TCTN1: variants seen among roughly 807,000 people sequenced by gnomAD.
The protein encoded by TCTN1 is tectonic family member 1.
Under a neutral mutation model 65.8 loss-of-function variants are expected in TCTN1, and 58 were observed. That is an observed-to-expected ratio of 0.88 (90% CI 0.71 to 1.10). The LOEUF (loss-of-function observed/expected upper bound fraction) is 1.10, where lower values mean the gene tolerates loss of function less well. TCTN1 is among the 50% of genes least tolerant of loss of function. The pLI is 0.00. For synonymous variants in TCTN1, 273 were observed against 289.1 expected (o/e 0.94, Z 0.57); for missense variants, 645 against 719.4 (o/e 0.90, Z 1.18).
At chr12:110,636,098 G>A in intron 6 of TCTN1, 3 of 224,588 alleles carry the variant, frequency 1.3e-5, no homozygotes, top group Non-Finnish European at 2.7e-5. Context: ...GCCTGGGCAA[G>A]CAATGGTGGC....
At chr12:110,637,016 T>G (rs2066620560) in intron 7 of TCTN1, among the ~76,000 whole-genome samples, 1 of 152,120 alleles carries the variant, frequency 6.6e-6, no homozygotes, top group Non-Finnish European at 1.5e-5. Context: ...GATGTCAGGG[T>G]CTCTTCGTGG....
chr12:110,645,494 C>A, intron 12 of TCTN1: 1 of 335,904 alleles, frequency 3.0e-6, no homozygotes, highest in South Asian at 2.5e-5. Context: ...ATTGTGATTG[C>A]TGGTGTCCCC....
At position 110,634,695 on chromosome 12, in the gene TCTN1, G is replaced by A. The variant is rs2066446780; in HGVS notation, c.738G>A (p.Lys246=). 1 of 1,611,030 alleles carries A rather than the reference G, an allele frequency of 6.2e-7. No individual in the cohort carries two copies. The highest frequency in any genetic ancestry group is 1.3e-5 in the African/African-American group (1 of 74,818). The change falls in exon 6 of 15, where the codon AAG becomes AAA. Residue 246 remains lysine (K), a synonymous_variant. Transcript: ENST00000397659. ...PAAFLVNQAV[K]CTRKINLEQC... ...CGTTTCTGGTGAACCAGGCTGTTAA[G>A]TGCACCAGAAAAATAAATTTAGAAC...
chr12:110,640,667 C>A lies in TCTN1; in HGVS notation c.978+150C>A. On this transcript the variant is annotated intron_variant, in intron 8 of 14. Transcript: ENST00000397659. The surrounding 1 kb of genome is among the most constrained non-coding windows in gnomAD (Gnocchi z 4.9). The stretch of plus-strand genomic sequence containing the variant: ...AGCTGCCTGCTTGTCTTTCTGCTGT[C>A]TCATCAAAGGACACCTCTTGTCTCC... 1 of 1,113,682 alleles carries A rather than the reference C, an allele frequency of 9.0e-7. No individual in the cohort carries two copies. 69.0% of individuals were successfully genotyped at this position (1,113,682 alleles called of 1,614,324 possible). A position where few individuals can be genotyped will look rare whatever the true frequency, so the allele number is the denominator to read the frequency against.
At chr12:110,647,112 A>G in intron 12 of TCTN1, 84 bp from the exon 13 acceptor site, 29 of 1,516,398 alleles carry the variant, frequency 1.9e-5, no homozygotes, top group Non-Finnish European at 2.6e-5. Flanking sequence ...ACATTTTGTA[A>G]TATGTGAAAC....
intron 2 of TCTN1, among the ~76,000 whole-genome samples, chr12:110,622,487 G>C (rs2065503057): frequency 6.6e-6 from 1 of 152,188 alleles, no homozygotes; most frequent in African/African-American, 2.4e-5. Context: ...GCAGAGGAAT[G>C]GCATCTAACT....
At chr12:110,636,911 C>T (rs954164850) in intron 7 of TCTN1, among the ~76,000 whole-genome samples, 7 of 152,236 alleles carry the variant, frequency 4.6e-5, no homozygotes, top group Admixed American at 1.3e-4. Flanking sequence ...GCGTGGGAGG[C>T]GTGCCCCGTG....
chr12:110,642,475 G>C, intron 11 of TCTN1, 86 bp downstream of exon 11: 1 of 1,591,472 alleles, frequency 6.3e-7, no homozygotes. Flanking sequence ...TCAAATCTCT[G>C]CATCAGCTGA....
Position 110,644,963 on chromosome 12 carries a change from C to T in TCTN1, c.1332-4C>T, listed in dbSNP as rs753583027. ...TTCAGTTGACTTCTTTTTCCTTCAC[C>T]AAGACTGACTGGAGCTCTCCCGTGT... On this transcript the variant is annotated splice_polypyrimidine_tract_variant and splice_region_variant and intron_variant, in intron 11 of 14. Coordinates refer to ENST00000397659, the MANE Select transcript of TCTN1 (RefSeq NM_001082538.3). The surrounding 1 kb of genome is among the most constrained non-coding windows in gnomAD (Gnocchi z 4.6). 2.5e-6 allele frequency: 4 copies of T among 1,614,032 alleles called. No individual in the cohort carries two copies. The highest frequency in any genetic ancestry group is 4.5e-5 in the East Asian group (2 of 44,900).
intron 12 of TCTN1, chr12:110,646,750 G>A (rs2067332086): frequency 4.5e-6 from 1 of 220,940 alleles, no homozygotes; most frequent in Non-Finnish European, 9.1e-6. Context: ...TGAAAAGAAA[G>A]CACTTAAATT....
chr12:110,619,244 A>C (rs775148592), intron 1 of TCTN1, among the ~76,000 whole-genome samples: 1 of 152,148 alleles, frequency 6.6e-6, no homozygotes, highest in Non-Finnish European at 1.5e-5. Flanking sequence ...CCCCGCCCTC[A>C]TACCTTATTG....
chr12:110,627,903 G>A (rs974411499), intron 3 of TCTN1: 2 of 786,768 alleles, frequency 2.5e-6, no homozygotes, highest in South Asian at 3.5e-5. Flanking sequence ...ATAGATTTTG[G>A]TTTTGTTCTC....
At chr12:110,636,848 CT>C (rs2066607131) in intron 7 of TCTN1, among the ~76,000 whole-genome samples, 1 of 152,238 alleles carries the variant, frequency 6.6e-6, no homozygotes, top group Non-Finnish European at 1.5e-5. Flanking sequence ...TCCCAGGATG[CT>C]GCCCGTCCAG....
At chr12:110,618,908 C>T (rs1479514816) in intron 1 of TCTN1, among the ~76,000 whole-genome samples, 2 of 151,772 alleles carry the variant, frequency 1.3e-5, no homozygotes, top group Non-Finnish European at 2.9e-5. Flanking sequence ...TGGTGGCTCA[C>T]ACCTGTAATC....
At chr12:110,618,685 AAAAG>A (rs2065216624) in intron 1 of TCTN1, among the ~76,000 whole-genome samples, 1 of 152,176 alleles carries the variant, frequency 6.6e-6, no homozygotes, top group African/African-American at 2.4e-5. Flanking sequence ...CTTCTTTTGA[AAAAG>A]AAAACGTTAC....
chr12:110,621,075 G>A (rs1317841152), intron 2 of TCTN1, among the ~76,000 whole-genome samples: 1 of 152,220 alleles, frequency 6.6e-6, no homozygotes, highest in Non-Finnish European at 1.5e-5. Context: ...AAAGTGCCGG[G>A]ATTTCAGGTG....
chr12:110,649,207 G>A lies in TCTN1; in HGVS notation c.*166G>A. 1.5e-6 allele frequency: 1 copy of A among 681,020 alleles called. No homozygotes were observed. Among genetic ancestry groups the A allele is most frequent in the East Asian group, 2.7e-5 (1 of 37,042 alleles). 42.2% of individuals were successfully genotyped at this position (681,020 alleles called of 1,614,324 possible). On this transcript the variant is annotated 3_prime_UTR_variant, in exon 15 of 15. Transcript: ENST00000397659. ...GAAAATGTGATACATTTGATACAGT[G>A]TGGGGTGGGAGTGGATGGGCAGCTC...
Position 110,643,068 on chromosome 12 carries a change from AT to A in TCTN1, c.1331+694del, listed in dbSNP as rs372810344. Among the ~76,000 whole-genome samples the A allele has an allele frequency of 1.9e-3, 268 of 139,088 alleles. 1 individual carries two copies. Among genetic ancestry groups the A allele is most frequent in the Middle Eastern group, 7.8e-3 (2 of 258 alleles). 91.2% of individuals were successfully genotyped at this position (139,088 alleles called of 152,430 possible). ...ACCATGCCTGGCCTAATATTTTTGA[AT>A]TTTTTTTTTTTTTTGTAGAGACAGG... On this transcript the variant is annotated intron_variant, in intron 11 of 14. Transcript: ENST00000397659.
rs376626018 is a variant in TCTN1, at chr12:110,647,853, T to C, written c.1740T>C (p.Asn580=). The C allele has an allele frequency of 4.3e-6, 7 of 1,614,072 alleles. No homozygotes were observed. The African/African-American group carries it at 8.0e-5, about 18-fold the overall frequency. ...EAGFRAPPAI[N]ARLPFNFFFP... is the part of the protein sequence containing the mutation. ...GCTTCAGAGCTCCACCAGCCATCAA[T>C]GCCAGGCTGCCCTTTAACTTCTTCT... Residue 580 remains asparagine (N), a synonymous_variant, in exon 14 of 15, where the codon AAT becomes AAC. Coordinates refer to ENST00000397659, the MANE Select transcript of TCTN1 (RefSeq NM_001082538.3).
Sources: gnomAD v4.1 joint callset for allele counts (sites outside exome capture counted in the v4.1 genomes callset) on GRCh38, gnomAD v4.1.1 for gene constraint, Gnocchi (gnomAD v3.1) non-coding constraint, MANE v1.5 for transcripts, NCBI Gene and HGNC (gene_info 2026-07-23, HGNC 2026-07-21) for gene names.